Variants in PDE10A observed in about 807,000 individuals in gnomAD.
The protein encoded by PDE10A is cAMP and cAMP-inhibited cGMP 3',5'-cyclic phosphodiesterase 10A.
In PDE10A, 39 loss-of-function variants were observed where a neutral mutation model predicts 97.7. The ratio of observed to expected loss-of-function variants is 0.40; its 90% CI spans 0.31 to 0.52. The LOEUF is 0.52. Among genes scored for constraint, PDE10A ranks in the 20% least tolerant of loss-of-function variants. PDE10A has a pLI of 0.56. For missense variants in PDE10A, 731 were observed against 1,047.8 expected (o/e 0.70, Z 4.17); for synonymous variants, 371 against 376.8 (o/e 0.98, Z 0.18).
intron 1 of PDE10A, among the ~76,000 whole-genome samples, chr6:165,758,785 G>A (rs555879089): frequency 2.0e-5 from 3 of 152,096 alleles, no homozygotes; most frequent in Non-Finnish European, 4.4e-5. Flanking sequence ...CTCTAAAAAG[G>A]TTCTTCCATT....
intron 2 of PDE10A, among the ~76,000 whole-genome samples, chr6:165,483,522 AT>A (rs1470684502): frequency 2.0e-5 from 3 of 152,188 alleles, no homozygotes; most frequent in Non-Finnish European, 4.4e-5. Context: ...TCAACTCCTA[AT>A]CCTCTCCTAA....
chr6:165,752,398 G>A (rs1002144828), intron 1 of PDE10A, among the ~76,000 whole-genome samples: 6 of 152,238 alleles, frequency 3.9e-5, no homozygotes, highest in East Asian at 3.9e-4. Flanking sequence ...TGAGGATCCC[G>A]GGACCATGTG....
At chr6:165,700,825 C>T (rs754176670) in intron 1 of PDE10A, among the ~76,000 whole-genome samples, 4 of 152,194 alleles carry the variant, frequency 2.6e-5, no homozygotes, top group Non-Finnish European at 5.9e-5. Context: ...CTTTTTGTCT[C>T]AGATCTGGGA....
chr6:165,745,283 T>C (rs1444659541), intron 1 of PDE10A, among the ~76,000 whole-genome samples: 1 of 152,228 alleles, frequency 6.6e-6, no homozygotes, highest in Non-Finnish European at 1.5e-5. Context: ...GCCATATATA[T>C]TGCCCCTTGC....
chr6:165,845,138 T>G (rs1057215248), intron 1 of PDE10A, among the ~76,000 whole-genome samples: 2 of 152,252 alleles, frequency 1.3e-5, no homozygotes, highest in African/African-American at 4.8e-5. Context: ...GTCATTGCAT[T>G]ATGCTGGAAA....
intron 1 of PDE10A, among the ~76,000 whole-genome samples, chr6:165,965,792 T>C (rs1784493646): frequency 6.6e-6 from 1 of 152,200 alleles, no homozygotes; most frequent in Non-Finnish European, 1.5e-5. Context: ...CACAAGGTAA[T>C]ATGTAGCTGG....
At chr6:165,538,673 T>C (rs1278798750) in intron 2 of PDE10A, among the ~76,000 whole-genome samples, 4 of 152,152 alleles carry the variant, frequency 2.6e-5, no homozygotes, top group African/African-American at 9.7e-5. Context: ...AAGGAGACAC[T>C]GCTGATTGTC....
chr6:165,552,396 G>A (rs981149610), intron 1 of PDE10A, among the ~76,000 whole-genome samples: 3 of 152,202 alleles, frequency 2.0e-5, no homozygotes, highest in Non-Finnish European at 4.4e-5. Flanking sequence ...CCAGTCAACA[G>A]TTAACTAAAG....
chr6:165,661,953 T>C lies in PDE10A; in HGVS notation c.859A>G (p.Ser287Gly). Residue 287 changes from serine (S) to glycine (G), a missense_variant, in exon 1 of 22, where the codon AGC (serine) becomes GGC (glycine). Physicochemically the swap from Ser to Gly is moderately conservative, Grantham distance 56 (BLOSUM62 0). Transcript: ENST00000539869. This position sits in a 1 kb window ranked among gnomAD's most constrained non-coding sequence, Gnocchi z 4.8. ...CFRRLTECFL[S>G]PSLTDEKVKA... ...CGGGGAGCAGGCCACTTACTGGGGCTCAGGAAGCACTCGGTCAGCCTTCGG... is the reference window on the plus strand; with the variant it reads ...CGGGGAGCAGGCCACTTACTGGGGCCCAGGAAGCACTCGGTCAGCCTTCGG... 1 of 1,063,014 alleles carries C rather than the reference T, an allele frequency of 9.4e-7. No individual in the cohort carries two copies. Among genetic ancestry groups the C allele is most frequent in the Admixed American group, 2.0e-5 (1 of 49,374 alleles). 65.8% of individuals were successfully genotyped at this position (1,063,014 alleles called of 1,614,324 possible).
intron 1 of PDE10A, among the ~76,000 whole-genome samples, chr6:165,882,213 C>A (rs564222143): frequency 1.3e-5 from 2 of 152,336 alleles, no homozygotes; most frequent in African/African-American, 4.8e-5. Flanking sequence ...TCGCATGACC[C>A]ATCTCTCATG....
chr6:165,690,914 G>C (rs1017424596), intron 1 of PDE10A, among the ~76,000 whole-genome samples: 1 of 152,108 alleles, frequency 6.6e-6, no homozygotes, highest in Non-Finnish European at 1.5e-5. Flanking sequence ...TGGCATCCCT[G>C]GTGGGGGCCA....
intron 1 of PDE10A, among the ~76,000 whole-genome samples, chr6:165,750,758 G>T (rs1157151869): frequency 6.6e-6 from 1 of 151,826 alleles, no homozygotes; most frequent in Non-Finnish European, 1.5e-5. Flanking sequence ...TCAATCTTTT[G>T]ACTCACCTCT....
At chr6:165,625,826 A>C (rs1788359767) in intron 1 of PDE10A, among the ~76,000 whole-genome samples, 1 of 152,236 alleles carries the variant, frequency 6.6e-6, no homozygotes, top group Non-Finnish European at 1.5e-5. Flanking sequence ...TAAATTACCC[A>C]GTCTCAGGTA....
At chr6:165,612,315 T>C (rs1787532749) in intron 1 of PDE10A, among the ~76,000 whole-genome samples, 1 of 152,186 alleles carries the variant, frequency 6.6e-6, no homozygotes, top group African/African-American at 2.4e-5. Flanking sequence ...GCTCTGCTCC[T>C]TAATCCCATA....
chr6:165,341,488 AT>A (rs771632880), intron 19 of PDE10A, among the ~76,000 whole-genome samples: 1 of 152,182 alleles, frequency 6.6e-6, no homozygotes, highest in African/African-American at 2.4e-5. Flanking sequence ...CAAAACGTGC[AT>A]TTTTAGTATG....
At chr6:165,676,586 C>T (rs899566331) in intron 1 of PDE10A, among the ~76,000 whole-genome samples, 20 of 151,848 alleles carry the variant, frequency 1.3e-4, no homozygotes, top group African/African-American at 3.6e-4. Flanking sequence ...AGGGGATAGC[C>T]GTGAGAGGGG....
intron 1 of PDE10A, among the ~76,000 whole-genome samples, chr6:165,762,310 CCTT>C (rs1315730204): frequency 6.6e-6 from 1 of 152,162 alleles, no homozygotes; most frequent in Non-Finnish European, 1.5e-5. Flanking sequence ...CTTATTAAAA[CCTT>C]CTTCCCTGGC....
chr6:165,696,021 A>G (rs1791435231), intron 1 of PDE10A, among the ~76,000 whole-genome samples: 1 of 152,022 alleles, frequency 6.6e-6, no homozygotes, highest in Admixed American at 6.5e-5. Context: ...ACCAGTACTA[A>G]TGTCACCCCA....
chr6:165,833,983 G>A (rs1780003419), intron 1 of PDE10A, among the ~76,000 whole-genome samples: 1 of 152,204 alleles, frequency 6.6e-6, no homozygotes, highest in Non-Finnish European at 1.5e-5. Flanking sequence ...AGTCATGTGA[G>A]TGCCCCCAGC....
Sources: allele counts gnomAD v4.1 joint callset (sites outside exome capture counted in the v4.1 genomes callset), GRCh38; gene constraint gnomAD v4.1.1; non-coding constraint Gnocchi (gnomAD v3.1); transcripts MANE v1.5; gene names NCBI Gene and HGNC (gene_info 2026-07-23, HGNC 2026-07-21).